Variants in ZC3H12C observed in about 807,000 individuals in gnomAD.
The protein encoded by ZC3H12C is zinc finger CCCH-type containing 12C.
A neutral mutation model predicts 76.3 loss-of-function variants in ZC3H12C; 20 were observed. The ratio of observed to expected loss-of-function variants is 0.26; its 90% CI spans 0.18 to 0.38. The LOEUF (loss-of-function observed/expected upper bound fraction) is 0.38, where lower values mean the gene tolerates loss of function less well. ZC3H12C is among the 10% of genes least tolerant of loss of function. The pLI, the probability that ZC3H12C is intolerant of heterozygous loss-of-function variation, is 1.00. For missense variants in ZC3H12C, 874 were observed against 1,086.5 expected (o/e 0.80, Z 2.75); for synonymous variants, 352 against 399.6 (o/e 0.88, Z 1.42).
intron 1 of ZC3H12C, among the ~76,000 whole-genome samples, chr11:110,126,904 T>C (rs1179048948): frequency 6.6e-6 from 1 of 152,214 alleles, no homozygotes; most frequent in Non-Finnish European, 1.5e-5. Context: ...AAGTTATTTA[T>C]ATTTGATGAT....
intron 2 of ZC3H12C, among the ~76,000 whole-genome samples, chr11:110,148,156 C>G (rs1326604361): frequency 6.6e-6 from 1 of 152,174 alleles, no homozygotes; most frequent in Non-Finnish European, 1.5e-5. Flanking sequence ...TTGTGGCTGC[C>G]CACTTCATTC....
At chr11:110,135,452 T>A (rs1861939027) in intron 1 of ZC3H12C, among the ~76,000 whole-genome samples, 1 of 132,716 alleles carries the variant, frequency 7.5e-6, no homozygotes, top group African/African-American at 2.9e-5. Context: ...ATTACACCGC[T>A]GCACTCCAGC....
chr11:110,116,766 T>G (rs960034306), intron 1 of ZC3H12C, among the ~76,000 whole-genome samples: 1 of 152,220 alleles, frequency 6.6e-6, no homozygotes, highest in Non-Finnish European at 1.5e-5. Context: ...AACAACCCTA[T>G]GCTGTTAGTG....
chr11:110,123,381 TC>T (rs1286153417), intron 1 of ZC3H12C, among the ~76,000 whole-genome samples: 1 of 152,236 alleles, frequency 6.6e-6, no homozygotes, highest in African/African-American at 2.4e-5. Context: ...GGGAAACTAA[TC>T]CCTGGAAAAT....
chr11:110,149,797 T>A (rs1410871564), intron 2 of ZC3H12C, among the ~76,000 whole-genome samples: 1 of 152,202 alleles, frequency 6.6e-6, no homozygotes, highest in African/African-American at 2.4e-5. Context: ...ATTGGTATTA[T>A]ATGTTGCAAA....
At chr11:110,131,237 A>G (rs925370202) in intron 1 of ZC3H12C, 4 of 730,250 alleles carry the variant, frequency 5.5e-6, no homozygotes, top group African/African-American at 5.4e-5. Flanking sequence ...CCAACATACC[A>G]GAAAATTAAG....
chr11:110,105,213 A>G (rs1284831632), intron 1 of ZC3H12C, among the ~76,000 whole-genome samples: 1 of 152,108 alleles, frequency 6.6e-6, no homozygotes, highest in East Asian at 1.9e-4. Context: ...CTCATTGTTG[A>G]CTTACACTTT....
chr11:110,165,036 T>C lies in ZC3H12C; in HGVS notation c.1951T>C (p.Ser651Pro), dbSNP rs1565270851. Residue 651 changes from serine (S) to proline (P), a missense_variant, in exon 6 of 6, where the codon TCC (serine) becomes CCC (proline). Around this residue, in one of 3 missense-constraint regions of ZC3H12C, gnomAD observed 395 missense variants for 434.4 expected, o/e 0.91. Transcript: ENST00000278590. ...TTACAATGACCGGTCCTATGTCAGC[T>C]CCCCCGACCCACAGCTAGAGGAGAA... is the stretch of plus-strand genomic sequence containing the variant. ...VGYNDRSYVS[S>P]PDPQLEENLK... 4 of 1,613,722 alleles carry C rather than the reference T, an allele frequency of 2.5e-6. No individual in the cohort carries two copies.
chr11:110,122,092 G>C (rs1861661167), intron 1 of ZC3H12C, among the ~76,000 whole-genome samples: 1 of 152,136 alleles, frequency 6.6e-6, no homozygotes, highest in African/African-American at 2.4e-5. Flanking sequence ...AGAAGAACAA[G>C]ACATGCACGT....
chr11:110,119,577 T>G (rs1371034111), intron 1 of ZC3H12C, among the ~76,000 whole-genome samples: 2 of 152,190 alleles, frequency 1.3e-5, no homozygotes, highest in African/African-American at 4.8e-5. Flanking sequence ...ATGCACACTC[T>G]CATCTCACAG....
rs1862673219 is a variant in ZC3H12C at position 110,171,219 on chromosome 11, AGATTCC to A, written c.*5483_*5488del. 1 of 152,252 alleles carries A rather than the reference AGATTCC, an allele frequency of 6.6e-6. No individual in the cohort carries two copies. Among genetic ancestry groups the A allele is most frequent in the African/African-American group, 2.4e-5 (1 of 41,478 alleles). 9.4% of individuals were successfully genotyped at this position (152,252 alleles called of 1,614,324 possible). A position where few individuals can be genotyped will look rare whatever the true frequency, so the allele number is the denominator to read the frequency against. On this transcript the variant is annotated 3_prime_UTR_variant, in exon 6 of 6. Coordinates refer to ENST00000278590, the MANE Select transcript of ZC3H12C (RefSeq NM_033390.2). ...TTGTTTTTATGAAGAATAGGTGTTCAGATTCCTTCAGTTTTTTTGAAATTAGAAATT... is the reference window on the plus strand; with the variant it reads ...TTGTTTTTATGAAGAATAGGTGTTCATTCAGTTTTTTTGAAATTAGAAATT...
At chr11:110,110,322 GCC>G (rs1861404119) in intron 1 of ZC3H12C, among the ~76,000 whole-genome samples, 1 of 151,926 alleles carries the variant, frequency 6.6e-6, no homozygotes, top group South Asian at 2.1e-4. Context: ...ACACTGATTG[GCC>G]CTAGTATGCT....
At chr11:110,155,875 A>G (rs1251474820) in intron 3 of ZC3H12C, among the ~76,000 whole-genome samples, 1 of 152,078 alleles carries the variant, frequency 6.6e-6, no homozygotes, top group African/African-American at 2.4e-5. Flanking sequence ...CTAATTTTCT[A>G]CAGGGAACTT....
At chr11:110,146,272 G>A (rs1862168906) in intron 2 of ZC3H12C, among the ~76,000 whole-genome samples, 1 of 152,208 alleles carries the variant, frequency 6.6e-6, no homozygotes. Flanking sequence ...ACAGGCATGA[G>A]CCGTCGCGCC....
At chr11:110,117,902 C>T (rs1565252380) in intron 1 of ZC3H12C, among the ~76,000 whole-genome samples, 1 of 122,862 alleles carries the variant, frequency 8.1e-6, no homozygotes. Flanking sequence ...TATATACACA[C>T]ACACATATAT....
chr11:110,138,552 A>G (rs1341818658), intron 2 of ZC3H12C, among the ~76,000 whole-genome samples: 1 of 151,878 alleles, frequency 6.6e-6, no homozygotes. Context: ...GAGATAGTTT[A>G]CATTATTCTT....
At chr11:110,150,349 T>C (rs1862249158) in intron 2 of ZC3H12C, among the ~76,000 whole-genome samples, 1 of 77,018 alleles carries the variant, frequency 1.3e-5, no homozygotes, top group African/African-American at 3.4e-5. Context: ...TAATATAGGT[T>C]TTCAATTTCA....
In ZC3H12C at chr11:110,166,840, AG is replaced by A. The variant is rs762070488; in HGVS notation, c.*1104del. 2 of 152,120 alleles carry A rather than the reference AG, an allele frequency of 1.3e-5. No homozygotes were observed. The highest frequency in any genetic ancestry group is 2.9e-5 in the Non-Finnish European group (2 of 68,034). The allele number at this position is 152,120 out of a possible 1,614,324, so 9.4% of individuals were successfully genotyped here. A position where few individuals can be genotyped will look rare whatever the true frequency, so the allele number is the denominator to read the frequency against. On this transcript the variant is annotated 3_prime_UTR_variant, in exon 6 of 6. Transcript: ENST00000278590. ...CACTATAGAGAAATGGTGATGGAGG[AG>A]TTGTAAATGGTAACTTAAAATTTTT...
chr11:110,131,607 T>C (rs1375514641), intron 1 of ZC3H12C: 2 of 154,086 alleles, frequency 1.3e-5, no homozygotes, highest in Non-Finnish European at 1.4e-5. Context: ...TCAGTTGCTT[T>C]GTCAGCAATC....
Sources: gnomAD v4.1 joint callset for allele counts (sites outside exome capture counted in the v4.1 genomes callset) on GRCh38, gnomAD v4.1.1 for gene constraint, gnomAD v4.1.1 regional missense constraint, MANE v1.5 for transcripts, NCBI Gene and HGNC (gene_info 2026-07-23, HGNC 2026-07-21) for gene names.